Variants in VPS13A observed in about 807,000 individuals in gnomAD.
The protein encoded by VPS13A is intermembrane lipid transfer protein VPS13A.
A neutral mutation model predicts 390.9 loss-of-function variants in VPS13A; 264 were observed. The ratio of observed to expected loss-of-function variants is 0.68; its 90% CI spans 0.61 to 0.75. VPS13A has a LOEUF of 0.75. Among genes scored for constraint, VPS13A ranks in the 30% least tolerant of loss-of-function variants. VPS13A has a pLI of 0.00. For synonymous variants in VPS13A, 1,231 were observed against 1,227.1 expected (o/e 1.00, Z -0.07); for missense variants, 3,409 against 3,733.9 (o/e 0.91, Z 2.27).
At chr9:77,338,673 A>G (rs1250137137) in intron 47 of VPS13A, 1 of 152,128 alleles carries the variant, frequency 6.6e-6, no homozygotes, top group African/African-American at 2.4e-5. Context: ...AGAATCAAGA[A>G]CTCCTTACTT....
Position 77,226,511 on chromosome 9 carries a change from C to G in VPS13A, c.1270C>G (p.Pro424Ala). 1 of 1,612,502 alleles carries G rather than the reference C, an allele frequency of 6.2e-7. No homozygotes were observed. Among genetic ancestry groups the G allele is most frequent in the Non-Finnish European group, 8.5e-7 (1 of 1,179,056 alleles). Residue 424 changes from proline to alanine, a missense_variant, in exon 15 of 72, where the codon CCA (proline) becomes GCA (alanine). Coordinates refer to ENST00000360280, the MANE Select transcript of VPS13A (RefSeq NM_033305.3). Reference protein sequence around the residue: ...YKIYKEGVKDPEDNKGWFSWL... With the variant: ...YKIYKEGVKDAEDNKGWFSWL... ...AATTTACAAAGAAGGAGTAAAAGAT[C>G]CAGAGGATAATAAAGGGTGGTTTAG...
rs114276315 is a variant in VPS13A, at chr9:77,239,003, C to A, written c.1900+617C>A. 8.5e-3 allele frequency among the ~76,000 whole-genome samples: 1,289 copies of A among 152,164 alleles called. 16 individuals are homozygous for A. The highest frequency in any genetic ancestry group is 0.028 in the African/African-American group (1,169 of 41,524). Reference sequence around the variant, plus strand: ...TGCTGAAAAGGCTGTCTTTTCATATCTATACCTATTCATTAGGTATGGATT... The same window carrying A: ...TGCTGAAAAGGCTGTCTTTTCATATATATACCTATTCATTAGGTATGGATT... On this transcript the variant is annotated intron_variant, in intron 19 of 71. Transcript: ENST00000360280.
chr9:77,283,745 A>G, intron 31 of VPS13A, 95 bp downstream of exon 31: 2 of 1,041,576 alleles, frequency 1.9e-6, no homozygotes, highest in South Asian at 1.5e-5. Flanking sequence ...GTCAGAATTT[A>G]GTAGTATGGC....
At chr9:77,239,064 T>A (rs962151815) in intron 19 of VPS13A, among the ~76,000 whole-genome samples, 4 of 152,160 alleles carry the variant, frequency 2.6e-5, no homozygotes, top group Middle Eastern at 3.4e-3. Flanking sequence ...GTATCCTTAC[T>A]GGATTTTTTT....
At position 77,411,660 on chromosome 9, in the gene VPS13A, C is replaced by CAAAAAAAAAAAAAA. The variant is rs1169254413; in HGVS notation, c.9474+4065_9474+4078dup. On this transcript the variant is annotated intron_variant, in intron 71 of 71. Coordinates refer to ENST00000360280, the MANE Select transcript of VPS13A (RefSeq NM_033305.3). ...CCTAGGCAACAGCAAAACTCCATCT[C>CAAAAAAAAAAAAAA]AAAAAAAAAAAAAAAAAAAAAAAAA... Among the ~76,000 whole-genome samples the CAAAAAAAAAAAAAA allele has an allele frequency of 8.8e-3, 298 of 33,914 alleles. 18 individuals are homozygous for CAAAAAAAAAAAAAA. Among genetic ancestry groups the CAAAAAAAAAAAAAA allele is most frequent in the Non-Finnish European group, 1.0e-2 (194 of 19,444 alleles). The allele number at this position is 33,914 out of a possible 152,430, so 22.2% of individuals were successfully genotyped here.
At chr9:77,236,000 G>A (rs1438520069) in intron 17 of VPS13A, among the ~76,000 whole-genome samples, 2 of 151,994 alleles carry the variant, frequency 1.3e-5, no homozygotes, top group Admixed American at 1.3e-4. Flanking sequence ...ACATTTTATT[G>A]TAAAATAGGC....
At chr9:77,258,227 G>C (rs1428334869) in intron 22 of VPS13A, among the ~76,000 whole-genome samples, 1 of 152,090 alleles carries the variant, frequency 6.6e-6, no homozygotes, top group Non-Finnish European at 1.5e-5. Flanking sequence ...TTTAACCAAA[G>C]GCTTTTCTCA....
intron 23 of VPS13A, among the ~76,000 whole-genome samples, chr9:77,266,300 C>G (rs1826031964): frequency 6.6e-6 from 1 of 152,144 alleles, no homozygotes; most frequent in African/African-American, 2.4e-5. Flanking sequence ...CTGTAGATGT[C>G]TATTAGGTCC....
intron 23 of VPS13A, among the ~76,000 whole-genome samples, chr9:77,272,336 A>G (rs1457211068): frequency 6.6e-6 from 1 of 152,186 alleles, no homozygotes; most frequent in Non-Finnish European, 1.5e-5. Flanking sequence ...TAAGGTGAAC[A>G]TATATAATTT....
intron 20 of VPS13A, among the ~76,000 whole-genome samples, chr9:77,247,950 C>T (rs936057773): frequency 6.6e-6 from 1 of 151,034 alleles, no homozygotes; most frequent in African/African-American, 2.4e-5. Context: ...TGAGCCACCG[C>T]GCCTGGCCCG....
chr9:77,317,432 A>G (rs955608882), intron 39 of VPS13A, among the ~76,000 whole-genome samples, 174 bp from the exon 40 acceptor site: 1 of 152,010 alleles, frequency 6.6e-6, no homozygotes, highest in Non-Finnish European at 1.5e-5. Context: ...AACAGATATT[A>G]GGTTCTAGAT....
chr9:77,242,178 T>A (rs1025769064), intron 19 of VPS13A, among the ~76,000 whole-genome samples: 1 of 152,180 alleles, frequency 6.6e-6, no homozygotes, highest in Non-Finnish European at 1.5e-5. Flanking sequence ...AATTATGATT[T>A]TTCTCTTGCC....
At chr9:77,272,769 G>T (rs1303716064) in intron 23 of VPS13A, among the ~76,000 whole-genome samples, 1 of 152,124 alleles carries the variant, frequency 6.6e-6, no homozygotes, top group Non-Finnish European at 1.5e-5. Flanking sequence ...TCAGGATGTG[G>T]TAATGTTTTA....
intron 19 of VPS13A, among the ~76,000 whole-genome samples, chr9:77,245,343 A>G (rs1324646221): frequency 6.6e-6 from 1 of 152,186 alleles, no homozygotes; most frequent in African/African-American, 2.4e-5. Context: ...GAAGATAGAG[A>G]AATGCTTAAC....
rs546670615 is a variant in VPS13A at position 77,181,191 on chromosome 9, G to A, written c.100+3387G>A. Among the ~76,000 whole-genome samples, 12 of 151,918 alleles carry A rather than the reference G, an allele frequency of 7.9e-5. No individual in the cohort carries two copies. The South Asian group carries it at 2.3e-3, about 29-fold the overall frequency. Reference sequence around the variant, plus strand: ...CAAAAGTAGTAATTTGATAAATTTGGAGGATTTTTTAAAAACATTGTTTGA... The same window carrying A: ...CAAAAGTAGTAATTTGATAAATTTGAAGGATTTTTTAAAAACATTGTTTGA... On this transcript the variant is annotated intron_variant, in intron 1 of 71. Transcript: ENST00000360280.
intron 22 of VPS13A, among the ~76,000 whole-genome samples, chr9:77,255,193 T>G (rs1282255778): frequency 6.6e-6 from 1 of 152,152 alleles, no homozygotes; most frequent in Non-Finnish European, 1.5e-5. Flanking sequence ...TAACTTTTTA[T>G]TATGAAAACG....
rs1192828015 is a variant in VPS13A at position 77,370,597 on chromosome 9, T to G, written c.8907+19T>G. ...AGTTTCTGTAAGAAATTTCACAGGG[T>G]TGTGAAGATTTTGGGAAATATCTTT... On this transcript the variant is annotated intron_variant, in intron 65 of 71. Transcript: ENST00000360280. 2 of 1,613,766 alleles carry G rather than the reference T, an allele frequency of 1.2e-6. No individual in the cohort carries two copies. Among genetic ancestry groups the G allele is most frequent in the African/African-American group, 2.7e-5 (2 of 74,894 alleles).
At chr9:77,396,057 G>A (rs1309580916) in intron 68 of VPS13A, among the ~76,000 whole-genome samples, 1 of 151,960 alleles carries the variant, frequency 6.6e-6, no homozygotes, top group African/African-American at 2.4e-5. Flanking sequence ...AGGTTCTGCT[G>A]AACTTTAGTG....
intron 32 of VPS13A, among the ~76,000 whole-genome samples, chr9:77,293,824 T>C (rs937666070): frequency 1.3e-5 from 2 of 152,176 alleles, no homozygotes; most frequent in African/African-American, 4.8e-5. Context: ...GTCTTCGTTT[T>C]ACCTGACTTG....
Sources: allele counts gnomAD v4.1 joint callset (sites outside exome capture counted in the v4.1 genomes callset), GRCh38; gene constraint gnomAD v4.1.1; transcripts MANE v1.5; gene names NCBI Gene and HGNC (gene_info 2026-07-23, HGNC 2026-07-21).